NOL4: variants seen among roughly 807,000 people sequenced by gnomAD.
NOL4 encodes the protein cancer/testis antigen 125.
In NOL4, 17 loss-of-function variants were observed where a neutral mutation model predicts 75.9. The ratio of observed to expected loss-of-function variants is 0.22; its 90% CI spans 0.15 to 0.34. The LOEUF is 0.34. Among genes scored for constraint, NOL4 ranks in the 10% least tolerant of loss-of-function variants. The probability of loss-of-function intolerance (pLI) is 1.00; values close to 1 mark genes in which losing one functional copy is unlikely to be tolerated. For synonymous variants in NOL4, 292 were observed against 289.9 expected (o/e 1.01, Z -0.07); for missense variants, 614 against 793.5 (o/e 0.77, Z 2.72).
chr18:33,970,360 T>A (rs2070954637), intron 6 of NOL4, among the ~76,000 whole-genome samples: 1 of 152,182 alleles, frequency 6.6e-6, no homozygotes, highest in South Asian at 2.1e-4. Context: ...TTTATTTTTA[T>A]CTTTCCCATA....
chr18:34,065,683 T>G (rs528140002), intron 5 of NOL4, among the ~76,000 whole-genome samples: 22 of 151,976 alleles, frequency 1.4e-4, no homozygotes, highest in Non-Finnish European at 2.5e-4. Flanking sequence ...TTCATTTTAT[T>G]TTTTTATTAT....
intron 6 of NOL4, among the ~76,000 whole-genome samples, chr18:33,997,238 G>T (rs1427460259): frequency 6.6e-6 from 1 of 151,658 alleles, no homozygotes; most frequent in African/African-American, 2.4e-5. Flanking sequence ...ATCCATCTTG[G>T]ATTAGTTTTT....
intron 5 of NOL4, among the ~76,000 whole-genome samples, chr18:34,076,298 G>A (rs554131645): frequency 6.6e-6 from 1 of 152,062 alleles, no homozygotes; most frequent in South Asian, 2.1e-4. Flanking sequence ...TTTGTAGTGC[G>A]CACAAACTTT....
At chr18:33,948,717 TA>T (rs1302424946) in intron 8 of NOL4, among the ~76,000 whole-genome samples, 1 of 152,082 alleles carries the variant, frequency 6.6e-6, no homozygotes, top group East Asian at 1.9e-4. Context: ...GAAATGTGCA[TA>T]AAGTCACTAG....
At chr18:34,145,146 T>TA (rs2081345477) in intron 1 of NOL4, among the ~76,000 whole-genome samples, 1 of 152,246 alleles carries the variant, frequency 6.6e-6, no homozygotes, top group African/African-American at 2.4e-5. Flanking sequence ...TCCAATTAAT[T>TA]AAAAATAATA....
intron 9 of NOL4, among the ~76,000 whole-genome samples, chr18:33,922,957 T>C (rs981093169): frequency 2.0e-5 from 3 of 152,146 alleles, no homozygotes; most frequent in African/African-American, 7.2e-5. Flanking sequence ...TGAAATTCTG[T>C]TTAAAAACTA....
At chr18:33,995,988 CTAGT>C (rs760752186) in intron 6 of NOL4, among the ~76,000 whole-genome samples, 71 of 151,896 alleles carry the variant, frequency 4.7e-4, no homozygotes, top group South Asian at 6.2e-4. Context: ...ATTCTTCTGC[CTAGT>C]TATTCTAACC....
chr18:34,049,074 GCACACA>G (rs1163959249), intron 5 of NOL4, among the ~76,000 whole-genome samples: 2,718 of 64,650 alleles, frequency 0.042, 81 homozygotes, highest in African/African-American at 0.11. Flanking sequence ...ACAGGCGCGC[GCACACA>G]CACACACACA....
At chr18:34,181,901 A>T (rs923637579) in intron 1 of NOL4, among the ~76,000 whole-genome samples, 1 of 151,590 alleles carries the variant, frequency 6.6e-6, no homozygotes, top group Non-Finnish European at 1.5e-5. Flanking sequence ...ACAAAAAGAA[A>T]ATAACAAATG....
In NOL4 at chr18:34,095,251, A is replaced by ATGTGTGTGTGTGTGTG. The variant is rs60017439; in HGVS notation, c.640-1670_640-1655dup. ...ACTCCAATTCTAAATTCTAATGTGT[A>ATGTGTGTGTGTGTGTG]TGTGTGTGTGTGTGTGTGTGTGTGT... On this transcript the variant is annotated intron_variant, in intron 4 of 10. Transcript: ENST00000261592. Among the ~76,000 whole-genome samples, 662 of 144,498 alleles carry ATGTGTGTGTGTGTGTG rather than the reference A, an allele frequency of 4.6e-3. 11 individuals carry two copies. The highest frequency in any genetic ancestry group is 0.04 in the East Asian group (195 of 4,880). The allele number at this position is 144,498 out of a possible 152,430, so 94.8% of individuals were successfully genotyped here.
chr18:34,096,500 C>T (rs1312173658), intron 4 of NOL4, among the ~76,000 whole-genome samples: 1 of 152,008 alleles, frequency 6.6e-6, no homozygotes, highest in Non-Finnish European at 1.5e-5. Context: ...ATACTAATTA[C>T]ACTAGGAAGA....
intron 8 of NOL4, among the ~76,000 whole-genome samples, chr18:33,947,330 A>G (rs2068906799): frequency 6.6e-6 from 1 of 151,764 alleles, no homozygotes; most frequent in South Asian, 2.1e-4. Context: ...TTTCTAAAAC[A>G]TAATTAGCAG....
intron 5 of NOL4, among the ~76,000 whole-genome samples, chr18:34,028,760 T>G (rs2075480598): frequency 6.6e-6 from 1 of 152,220 alleles, no homozygotes; most frequent in South Asian, 2.1e-4. Context: ...CCCAGAAGAT[T>G]CATTTGCATG....
At chr18:34,190,929 A>G (rs1032963485) in intron 1 of NOL4, among the ~76,000 whole-genome samples, 2 of 152,086 alleles carry the variant, frequency 1.3e-5, no homozygotes, top group Non-Finnish European at 2.9e-5. Context: ...ACATATTACA[A>G]AAATATTCTG....
chr18:34,069,667 C>A (rs2077426788), intron 5 of NOL4, among the ~76,000 whole-genome samples: 1 of 151,962 alleles, frequency 6.6e-6, no homozygotes, highest in Admixed American at 6.6e-5. Context: ...GACTGAGAGA[C>A]TAAATACACA....
intron 6 of NOL4, among the ~76,000 whole-genome samples, chr18:33,998,116 G>T (rs1326263326): frequency 6.6e-6 from 1 of 152,032 alleles, no homozygotes; most frequent in African/African-American, 2.4e-5. Context: ...GCTTAGAGAT[G>T]AGTAAGATGG....
At chr18:34,033,303 A>T (rs980549603) in intron 5 of NOL4, among the ~76,000 whole-genome samples, 4 of 152,182 alleles carry the variant, frequency 2.6e-5, no homozygotes, top group Non-Finnish European at 2.9e-5. Flanking sequence ...CAATTTAAAG[A>T]AATCAGAAAA....
At chr18:33,986,011 A>G (rs1169597485) in intron 6 of NOL4, among the ~76,000 whole-genome samples, 2 of 152,148 alleles carry the variant, frequency 1.3e-5, no homozygotes, top group Admixed American at 6.6e-5. Context: ...TCTTGGCTTT[A>G]TAGAATATGC....
chr18:34,072,244 A>C (rs2077555475), intron 5 of NOL4, among the ~76,000 whole-genome samples: 1 of 152,114 alleles, frequency 6.6e-6, no homozygotes, highest in Admixed American at 6.5e-5. Flanking sequence ...ACAAACAAAA[A>C]AAGATAAAAT....
Sources: gnomAD v4.1 joint callset for allele counts (sites outside exome capture counted in the v4.1 genomes callset) on GRCh38, gnomAD v4.1.1 for gene constraint, MANE v1.5 for transcripts, NCBI Gene and HGNC (gene_info 2026-07-23, HGNC 2026-07-21) for gene names.